Variants in ITGB3 observed in about 807,000 individuals in gnomAD.
ITGB3 encodes the protein integrin beta-3.
A neutral mutation model predicts 85.8 loss-of-function variants in ITGB3; 48 were observed. That is an observed-to-expected ratio of 0.56 (90% CI 0.44 to 0.71). The LOEUF (loss-of-function observed/expected upper bound fraction) is 0.71, where lower values mean the gene tolerates loss of function less well. ITGB3 is among the 30% of genes least tolerant of loss of function. The pLI, the probability that ITGB3 is intolerant of heterozygous loss-of-function variation, is 0.00. For missense variants in ITGB3, 861 were observed against 1,019.1 expected (o/e 0.84, Z 2.11); for synonymous variants, 363 against 395.6 (o/e 0.92, Z 0.98).
intron 6 of ITGB3, among the ~76,000 whole-genome samples, chr17:47,288,247 G>A (rs1290189088): frequency 7.1e-6 from 1 of 140,356 alleles, no homozygotes; most frequent in East Asian, 2.0e-4. Flanking sequence ...AGAGAAAGAG[G>A]GGAAAGAACA....
intron 1 of ITGB3, among the ~76,000 whole-genome samples, chr17:47,269,527 T>G (rs2065037263): frequency 6.6e-6 from 1 of 152,210 alleles, no homozygotes; most frequent in African/African-American, 2.4e-5. Flanking sequence ...GCATGACCTT[T>G]ACTCCAGTTC....
In ITGB3 at chr17:47,284,194, G is replaced by GA. The variant is rs557574338; in HGVS notation, c.362-247dup. ...TGTGACTCACAGTGATAGACCCGTGGAACTCACAGGATTAGAAATCCCCTG... is the reference window on the plus strand; with the variant it reads ...TGTGACTCACAGTGATAGACCCGTGGAAACTCACAGGATTAGAAATCCCCTG... On this transcript the variant is annotated intron_variant, in intron 3 of 14. Coordinates refer to ENST00000559488, the MANE Select transcript of ITGB3 (RefSeq NM_000212.3). Among the ~76,000 whole-genome samples the GA allele has an allele frequency of 1.6e-4, 25 of 152,308 alleles. No individual in the cohort carries two copies. The South Asian group carries it at 3.9e-3, about 24-fold the overall frequency.
intron 10 of ITGB3, among the ~76,000 whole-genome samples, chr17:47,296,602 C>T (rs1416371130): frequency 6.6e-6 from 1 of 152,122 alleles, no homozygotes; most frequent in Admixed American, 6.6e-5. Flanking sequence ...TGGTTCTCAA[C>T]TGGGAGGAAG....
At chr17:47,307,687 A>C in intron 14 of ITGB3, 50 bp downstream of exon 14, 2 of 1,567,048 alleles carry the variant, frequency 1.3e-6, no homozygotes, top group Non-Finnish European at 1.8e-6. Flanking sequence ...TGAGACTCTT[A>C]AGTGGAAGCA....
Position 47,299,223 on chromosome 17 carries a change from A to G in ITGB3, c.1691-85A>G. 1.6e-6 allele frequency: 2 copies of G among 1,261,752 alleles called. No homozygotes were observed. Among genetic ancestry groups the G allele is most frequent in the South Asian group, 2.4e-5 (2 of 83,018 alleles). The allele number at this position is 1,261,752 out of a possible 1,614,324, so 78.2% of individuals were successfully genotyped here. A position where few individuals can be genotyped will look rare whatever the true frequency, so the allele number is the denominator to read the frequency against. On this transcript the variant is annotated intron_variant, in intron 10 of 14. Transcript: ENST00000559488. This position sits in a 1 kb window ranked among gnomAD's most constrained non-coding sequence, Gnocchi z 5.1. ...GAGGATCATTATCTGTGTGGTTGGG[A>G]GAGCAGGATGGTCGTGTGTAGCCTG...
chr17:47,255,387 G>T (rs757331352), intron 1 of ITGB3, among the ~76,000 whole-genome samples: 1 of 152,024 alleles, frequency 6.6e-6, no homozygotes, highest in African/African-American at 2.4e-5. Flanking sequence ...ATGTATAGAC[G>T]TATAACTCAT....
intron 1 of ITGB3, among the ~76,000 whole-genome samples, chr17:47,260,264 G>T (rs912648798): frequency 1.5e-4 from 23 of 152,174 alleles, no homozygotes; most frequent in Admixed American, 6.5e-5. Context: ...TTAGGCATCA[G>T]TCTCTTGGTG....
At position 47,274,496 on chromosome 17, in the gene ITGB3, T is replaced by G; in HGVS notation, c.157T>G (p.Ser53Ala). The G allele has an allele frequency of 6.2e-7, 1 of 1,613,754 alleles. No individual in the cohort carries two copies. The highest frequency in any genetic ancestry group is 8.5e-7 in the Non-Finnish European group (1 of 1,179,822). ...TGTGAGCCCCATGTGTGCCTGGTGC[T>G]CTGATGAGGTAAGGAGCAGATACCA... is the stretch of plus-strand genomic sequence containing the variant. ...LAVSPMCAWC[S>A]DEALPLGSPR... Residue 53 changes from serine (S) to alanine (A), a missense_variant, in exon 2 of 15, where the codon TCT becomes GCT. Physicochemically the swap from Ser to Ala is moderately conservative, Grantham distance 99. Coordinates refer to ENST00000559488, the MANE Select transcript of ITGB3 (RefSeq NM_000212.3).
intron 14 of ITGB3, among the ~76,000 whole-genome samples, chr17:47,309,305 GGC>G (rs2065203691): frequency 6.6e-6 from 1 of 151,864 alleles, no homozygotes; most frequent in Non-Finnish European, 1.5e-5. Context: ...TTCCTACCTT[GGC>G]CCCTAAAAGT....
chr17:47,301,105 C>G (rs548825695), intron 12 of ITGB3, among the ~76,000 whole-genome samples: 8 of 152,110 alleles, frequency 5.3e-5, no homozygotes, highest in South Asian at 2.1e-4. Flanking sequence ...TCTCTGGGGC[C>G]CCTTTTGAAA....
intron 14 of ITGB3, among the ~76,000 whole-genome samples, chr17:47,309,756 A>ATGGTGGTGTGTGCC (rs2065205613): frequency 6.6e-6 from 1 of 151,666 alleles, no homozygotes; most frequent in Non-Finnish European, 1.5e-5. Context: ...TTAGCCAGAC[A>ATGGTGGTGTGTGCC]TGGTGGTGTG....
At chr17:47,286,135 C>T (rs1281084908) in intron 4 of ITGB3, 125 bp from the exon 5 acceptor site, 5 of 1,069,566 alleles carry the variant, frequency 4.7e-6, no homozygotes, top group Non-Finnish European at 7.2e-6. Flanking sequence ...GTCTGGGTAA[C>T]TGTGGTTGTA....
chr17:47,260,692 G>A (rs908831403), intron 1 of ITGB3, among the ~76,000 whole-genome samples: 1 of 152,156 alleles, frequency 6.6e-6, no homozygotes, highest in African/African-American at 2.4e-5. Flanking sequence ...CCAGTGGAGG[G>A]GAGGGTGGTG....
chr17:47,290,065 G>A lies in ITGB3; in HGVS notation c.1036-120G>A, dbSNP rs1466574976. On this transcript the variant is annotated intron_variant, in intron 7 of 14. Coordinates refer to ENST00000559488, the MANE Select transcript of ITGB3 (RefSeq NM_000212.3). ...AGATATATTCCTGGCAGTGACAATT[G>A]AAATATCCCGTACCTTCCTCCAATC... 5.9e-6 allele frequency: 5 copies of A among 854,284 alleles called. No individual in the cohort carries two copies. The Admixed American group carries it at 8.8e-5, about 15-fold the overall frequency. 52.9% of individuals were successfully genotyped at this position (854,284 alleles called of 1,614,324 possible).
At chr17:47,294,580 C>T (rs116906668) in intron 10 of ITGB3, among the ~76,000 whole-genome samples, 6,411 of 152,330 alleles carry the variant, frequency 0.042, 198 homozygotes, top group Middle Eastern at 0.16. Flanking sequence ...CAGCCATTGC[C>T]GCCTCCCTCT....
intron 2 of ITGB3, among the ~76,000 whole-genome samples, chr17:47,275,330 A>C (rs2065059618): frequency 6.9e-6 from 1 of 144,750 alleles, no homozygotes; most frequent in African/African-American, 2.5e-5. Flanking sequence ...CTAGGGAATG[A>C]GTGTGTCTGA....
intron 9 of ITGB3, 116 bp from the exon 10 acceptor site, chr17:47,292,023 A>C (rs1044016255): frequency 5.5e-5 from 57 of 1,040,182 alleles, no homozygotes; most frequent in Non-Finnish European, 8.4e-5. Context: ...GCAAAAGCAT[A>C]AGACACCCAA....
chr17:47,262,817 C>T (rs1303675293), intron 1 of ITGB3, among the ~76,000 whole-genome samples: 1 of 152,002 alleles, frequency 6.6e-6, no homozygotes, highest in African/African-American at 2.4e-5. Flanking sequence ...TAGGAAGTGA[C>T]TAGAGTGAAA....
At chr17:47,289,891 C>T (rs2065118654) in intron 7 of ITGB3, 115 bp downstream of exon 7, 1 of 803,510 alleles carries the variant, frequency 1.2e-6, no homozygotes, top group Non-Finnish European at 2.2e-6. Flanking sequence ...TCCCCTAATC[C>T]ACTCCCCAGG....
Sources: allele counts gnomAD v4.1 joint callset (sites outside exome capture counted in the v4.1 genomes callset), GRCh38; gene constraint gnomAD v4.1.1; non-coding constraint Gnocchi (gnomAD v3.1); transcripts MANE v1.5; gene names NCBI Gene and HGNC (gene_info 2026-07-23, HGNC 2026-07-21).